The following HDAC8 variants were observed in gnomAD, a reference collection of about 807,000 sequenced individuals.
The protein encoded by HDAC8 is histone deacetylase 8.
In HDAC8, 1 loss-of-function variant was observed where a neutral mutation model predicts 32.2. The observed-to-expected ratio is 0.03, with a 90% CI of 0.01 to 0.15. HDAC8 has a LOEUF of 0.15. HDAC8 is among the 10% of genes least tolerant of loss of function. The probability of loss-of-function intolerance (pLI) is 1.00; values close to 1 mark genes in which losing one functional copy is unlikely to be tolerated. For missense variants in HDAC8, 117 were observed against 300.0 expected (o/e 0.39, Z 4.51); for synonymous variants, 108 against 113.9 (o/e 0.95, Z 0.33).
chrX:72,565,493 C>T (rs909812616), intron 4 of HDAC8, among the ~76,000 whole-genome samples: 6 of 111,715 alleles, frequency 5.4e-5, no homozygotes, highest in Non-Finnish European at 1.1e-4. Context: ...ACAGTTAAGG[C>T]GATATATGTG....
chrX:72,408,718 C>T (rs2046112964), intron 9 of HDAC8, among the ~76,000 whole-genome samples: 1 of 111,920 alleles, frequency 8.9e-6, no homozygotes, highest in Non-Finnish European at 1.9e-5. Context: ...GGGGAAAGCA[C>T]TCTAAGCAGA....
At chrX:72,418,043 C>T (rs1296480879) in intron 9 of HDAC8, among the ~76,000 whole-genome samples, 3 of 111,561 alleles carry the variant, frequency 2.7e-5, no homozygotes, top group Non-Finnish European at 5.7e-5. Flanking sequence ...TATCTGTCAC[C>T]ATATACAAAA....
At chrX:72,374,597 G>A (rs1046454678) in intron 9 of HDAC8, among the ~76,000 whole-genome samples, 10 of 110,114 alleles carry the variant, frequency 9.1e-5, no homozygotes, top group Non-Finnish European at 1.5e-4. Flanking sequence ...GCTTGAGCCC[G>A]GGAGGCAGAG....
At chrX:72,474,509 C>G (rs2048274856) in intron 7 of HDAC8, 1 of 1,076,613 alleles carries the variant, frequency 9.3e-7, no homozygotes, top group Non-Finnish European at 1.2e-6. Context: ...AGTATAAAAT[C>G]TCTTATCCAG....
At chrX:72,392,860 A>T (rs896286709) in intron 9 of HDAC8, among the ~76,000 whole-genome samples, 2 of 112,077 alleles carry the variant, frequency 1.8e-5, no homozygotes, top group African/African-American at 6.5e-5. Flanking sequence ...CAAAGACTTT[A>T]AAAAATTATT....
chrX:72,389,071 G>C (rs181462783), intron 9 of HDAC8, among the ~76,000 whole-genome samples: 166 of 111,914 alleles, frequency 1.5e-3, no homozygotes, highest in African/African-American at 4.8e-3. Flanking sequence ...TTCTCTAATT[G>C]GTTGTCAGGT....
chrX:72,409,976 A>T lies in HDAC8; in HGVS notation c.1005+52028T>A, dbSNP rs782102015. 3.6e-5 allele frequency among the ~76,000 whole-genome samples: 4 copies of T among 112,543 alleles called. No homozygotes were observed. In the South Asian group the frequency reaches 1.5e-3, roughly 42 times the overall value. ...TTAATAACTAAAATGATTCAGGACAAATATCTAACTGTGCTAGTCAATTAG... is the reference window on the plus strand; with the variant it reads ...TTAATAACTAAAATGATTCAGGACATATATCTAACTGTGCTAGTCAATTAG... On this transcript the variant is annotated intron_variant, in intron 9 of 10. Coordinates refer to ENST00000373573, the MANE Select transcript of HDAC8 (RefSeq NM_018486.3).
intron 9 of HDAC8, among the ~76,000 whole-genome samples, chrX:72,430,858 C>T (rs782440848): frequency 1.8e-5 from 2 of 111,915 alleles, no homozygotes; most frequent in East Asian, 2.8e-4. Context: ...ATGAAGAAAC[C>T]GAAGTTCGCA....
At chrX:72,508,159 A>T (rs1735659906) in intron 4 of HDAC8, among the ~76,000 whole-genome samples, 1 of 112,271 alleles carries the variant, frequency 8.9e-6, no homozygotes, top group African/African-American at 3.2e-5. Context: ...TGGACCTAAG[A>T]CTTGCTCAGA....
chrX:72,565,357 G>A (rs1461628528), intron 4 of HDAC8, among the ~76,000 whole-genome samples: 1 of 112,373 alleles, frequency 8.9e-6, no homozygotes, highest in Non-Finnish European at 1.9e-5. Context: ...CTACAGAGAG[G>A]TTCTAGTTAT....
intron 4 of HDAC8, among the ~76,000 whole-genome samples, chrX:72,524,550 G>T (rs2050078529): frequency 9.0e-6 from 1 of 111,686 alleles, no homozygotes; most frequent in Non-Finnish European, 1.9e-5. Context: ...TTGGAGTCAA[G>T]AACTTTTTAG....
In HDAC8 at chrX:72,394,975, G is replaced by A. The variant is rs192353539; in HGVS notation, c.1006-43137C>T. Among the ~76,000 whole-genome samples the A allele has an allele frequency of 9.9e-5, 11 of 111,537 alleles. No homozygotes were observed. The East Asian group carries it at 1.1e-3, about 11-fold the overall frequency. On this transcript the variant is annotated intron_variant, in intron 9 of 10. Transcript: ENST00000373573. ...CTTGGCAATCTTTGTCAACCCTTGA[G>A]ATTCTCACCAGCATCGACTAAAGAA...
chrX:72,436,829 G>A (rs1183372442), intron 9 of HDAC8, among the ~76,000 whole-genome samples: 1 of 111,478 alleles, frequency 9.0e-6, no homozygotes, highest in Non-Finnish European at 1.9e-5. Context: ...AAACATAAAG[G>A]GAGGTAAGGT....
chrX:72,571,525 GTTTTC>G (rs2052049851), intron 2 of HDAC8, among the ~76,000 whole-genome samples: 1 of 84,066 alleles, frequency 1.2e-5, no homozygotes, highest in African/African-American at 4.1e-5. Context: ...CCTGTCCCAA[GTTTTC>G]TTTTCTTTTT....
chrX:72,466,746 G>A (rs536329554), intron 7 of HDAC8: 1 of 112,211 alleles, frequency 8.9e-6, no homozygotes, highest in Non-Finnish European at 1.9e-5. Context: ...ACTTATTTTT[G>A]TGTAGGAACT....
At chrX:72,525,146 C>T (rs2050099722) in intron 4 of HDAC8, among the ~76,000 whole-genome samples, 1 of 112,556 alleles carries the variant, frequency 8.9e-6, no homozygotes. Flanking sequence ...TCACCTCCTG[C>T]ATTATACCTA....
At chrX:72,539,567 A>G (rs1703504214) in intron 4 of HDAC8, among the ~76,000 whole-genome samples, 1 of 111,350 alleles carries the variant, frequency 9.0e-6, no homozygotes, top group African/African-American at 3.3e-5. Flanking sequence ...TATAAATCTA[A>G]AACCATTCTT....
chrX:72,548,426 T>C (rs1408635058), intron 4 of HDAC8, among the ~76,000 whole-genome samples: 1 of 112,240 alleles, frequency 8.9e-6, no homozygotes, highest in Non-Finnish European at 1.9e-5. Flanking sequence ...TATTGAGCTA[T>C]GTGTAGTTTC....
At chrX:72,424,513 A>G (rs1028888609) in intron 9 of HDAC8, among the ~76,000 whole-genome samples, 7 of 110,726 alleles carry the variant, frequency 6.3e-5, no homozygotes, top group African/African-American at 9.9e-5. Context: ...TCATTTCCCT[A>G]TTTTCAAATT....
Sources: gnomAD v4.1 joint callset for allele counts (sites outside exome capture counted in the v4.1 genomes callset) on GRCh38, gnomAD v4.1.1 for gene constraint, MANE v1.5 for transcripts, NCBI Gene and HGNC (gene_info 2026-07-23, HGNC 2026-07-21) for gene names.